Variants in ARID4A observed in about 807,000 individuals in gnomAD.
The protein encoded by ARID4A is AT-rich interaction domain 4A.
A neutral mutation model predicts 148.6 loss-of-function variants in ARID4A; 39 were observed. The observed-to-expected ratio is 0.26, with a 90% CI of 0.20 to 0.34. The LOEUF (loss-of-function observed/expected upper bound fraction) is 0.34, where lower values mean the gene tolerates loss of function less well. Among genes scored for constraint, ARID4A ranks in the 10% least tolerant of loss-of-function variants. ARID4A has a pLI of 1.00. For missense variants in ARID4A, 1,265 were observed against 1,449.1 expected (o/e 0.87, Z 2.06); for synonymous variants, 475 against 481.2 (o/e 0.99, Z 0.17).
chr14:58,364,448 G>A lies in ARID4A; in HGVS notation c.2359G>A (p.Glu787Lys), dbSNP rs148135007. The A allele has an allele frequency of 1.1e-5, 18 of 1,613,018 alleles. No individual in the cohort carries two copies. The highest frequency in any genetic ancestry group is 5.0e-5 in the Admixed American group (3 of 59,900). The stretch of plus-strand genomic sequence containing the variant: ...AACAGAAGAAGTTAAGAAAGAAGCC[G>A]AAAAATCTCCAAAAGGAAAGGGAAG... ...EKTEEVKKEA[E>K]KSPKGKGRRS... Residue 787 changes from glutamate (E) to lysine (K), a missense_variant, in exon 20 of 24, where the codon GAA (glutamate) becomes AAA (lysine). Transcript: ENST00000355431.
intron 8 of ARID4A, among the ~76,000 whole-genome samples, chr14:58,324,647 G>A (rs894844761): frequency 4.6e-5 from 7 of 152,132 alleles, no homozygotes; most frequent in East Asian, 3.9e-4. Context: ...AACCTTCAGC[G>A]AGTCTGCCTA....
At chr14:58,339,115 C>T (rs916455850) in intron 11 of ARID4A, among the ~76,000 whole-genome samples, 2 of 151,546 alleles carry the variant, frequency 1.3e-5, no homozygotes, top group African/African-American at 4.9e-5. Context: ...GGATTATAGG[C>T]ATGCACCACC....
At position 58,365,470 on chromosome 14, in the gene ARID4A, T is replaced by TC. The variant is rs758919497; in HGVS notation, c.3212-48_3212-47insC. The TC allele has an allele frequency of 9.5e-6, 7 of 735,098 alleles. No individual in the cohort carries two copies. The South Asian group carries it at 1.6e-4, about 17-fold the overall frequency. The allele number at this position is 735,098 out of a possible 1,614,324, so 45.5% of individuals were successfully genotyped here. ...TCTGTTGAATAATATACTTGCTCTT[T>TC]TTTTTTTTTTTTTTTTTTTCAACAT... is the stretch of plus-strand genomic sequence containing the variant. On this transcript the variant is annotated intron_variant, in intron 20 of 23. Coordinates refer to ENST00000355431, the MANE Select transcript of ARID4A (RefSeq NM_002892.4).
rs1283464374 is a variant in ARID4A, at chr14:58,372,926, AAG to A, written c.*939_*940del. 4 of 183,044 alleles carry A rather than the reference AAG, an allele frequency of 2.2e-5. No individual in the cohort carries two copies. Among genetic ancestry groups the A allele is most frequent in the Admixed American group, 1.9e-4 (3 of 16,010 alleles). 11.3% of individuals were successfully genotyped at this position (183,044 alleles called of 1,614,324 possible). On this transcript the variant is annotated 3_prime_UTR_variant, in exon 24 of 24. Transcript: ENST00000355431. ...TTAAAATATTAATAAAATTTAAAAA[AAG>A]AAAATTCTAGGTTAATTCACTCTTT...
chr14:58,323,730 T>TG (rs547551048), intron 8 of ARID4A, 113 bp downstream of exon 8: 29 of 916,080 alleles, frequency 3.2e-5, no homozygotes, highest in Non-Finnish European at 4.8e-5. Context: ...TGGACTTTAT[T>TG]GGAGATTTTT....
chr14:58,352,870 C>G (rs2034701474), intron 16 of ARID4A, among the ~76,000 whole-genome samples: 2 of 152,036 alleles, frequency 1.3e-5, no homozygotes, highest in African/African-American at 4.8e-5. Flanking sequence ...TTAGCTCTCC[C>G]TGTGTTAATC....
intron 18 of ARID4A, among the ~76,000 whole-genome samples, chr14:58,359,527 G>T (rs2035039607): frequency 6.6e-6 from 1 of 152,104 alleles, no homozygotes; most frequent in Admixed American, 6.5e-5. Context: ...AATATATAAT[G>T]ACATGGATCC....
At chr14:58,301,400 AG>A (rs1223554197) in intron 2 of ARID4A, among the ~76,000 whole-genome samples, 179 bp from the exon 3 acceptor site, 1 of 152,244 alleles carries the variant, frequency 6.6e-6, no homozygotes, top group Non-Finnish European at 1.5e-5. Flanking sequence ...TCAGGACATC[AG>A]TCTATAAAAT....
rs541638461 is a variant in ARID4A at position 58,368,095 on chromosome 14, TAAAAG to T, written c.3670+1068_3670+1072del. Among the ~76,000 whole-genome samples, 1,381 of 152,128 alleles carry T rather than the reference TAAAAG, an allele frequency of 9.1e-3. 12 individuals are homozygous for T. The highest frequency in any genetic ancestry group is 0.015 in the Non-Finnish European group (1,021 of 67,984). On this transcript the variant is annotated intron_variant, in intron 23 of 23. Coordinates refer to ENST00000355431, the MANE Select transcript of ARID4A (RefSeq NM_002892.4). Reference sequence around the variant, plus strand: ...AACTCAAGCAGAAAATAGATTAACTTAAAAGAGAATGAGGAAATCAGTAGGCCTGT... The same window carrying T: ...AACTCAAGCAGAAAATAGATTAACTTAGAATGAGGAAATCAGTAGGCCTGT...
At chr14:58,331,824 C>T (rs961224578) in intron 11 of ARID4A, among the ~76,000 whole-genome samples, 1 of 152,072 alleles carries the variant, frequency 6.6e-6, no homozygotes, top group Non-Finnish European at 1.5e-5. Flanking sequence ...TATATGTTTT[C>T]AGGCTAATTA....
chr14:58,303,116 A>G (rs949004693), intron 3 of ARID4A, among the ~76,000 whole-genome samples: 2 of 152,142 alleles, frequency 1.3e-5, no homozygotes, highest in Non-Finnish European at 2.9e-5. Context: ...TTTTAACATT[A>G]TAGAGGTATA....
At chr14:58,329,416 T>C (rs1260491504) in intron 9 of ARID4A, 112 bp from the exon 10 acceptor site, 1 of 709,680 alleles carries the variant, frequency 1.4e-6, no homozygotes, top group South Asian at 1.9e-5. Context: ...AAACATTTTA[T>C]AGACAATATT....
intron 3 of ARID4A, among the ~76,000 whole-genome samples, chr14:58,303,935 C>T (rs2031395020): frequency 6.6e-6 from 1 of 152,070 alleles, no homozygotes; most frequent in Non-Finnish European, 1.5e-5. Flanking sequence ...AATGTTGAAA[C>T]CCTGTCTCTA....
In ARID4A at chr14:58,365,831, A is replaced by G. The variant is rs553736114; in HGVS notation, c.3317-193A>G. Reference sequence around the variant, plus strand: ...TTAGGAAAGTATTCAATAGTTTATCATTTTTAACCATTTCCCCGTTGGTGA... The same window carrying G: ...TTAGGAAAGTATTCAATAGTTTATCGTTTTTAACCATTTCCCCGTTGGTGA... On this transcript the variant is annotated intron_variant, in intron 21 of 23. Coordinates refer to ENST00000355431, the MANE Select transcript of ARID4A (RefSeq NM_002892.4). Among the ~76,000 whole-genome samples the G allele has an allele frequency of 7.2e-4, 110 of 151,958 alleles. 1 individual carries two copies. The South Asian group carries it at 0.019, about 26-fold the overall frequency.
At chr14:58,310,094 A>G (rs1456659067) in intron 5 of ARID4A, among the ~76,000 whole-genome samples, 3 of 152,248 alleles carry the variant, frequency 2.0e-5, no homozygotes, top group African/African-American at 4.8e-5. Flanking sequence ...GTTTAATCCT[A>G]TCATAGGCTT....
chr14:58,347,914 A>G (rs371003524), intron 15 of ARID4A, 36 bp downstream of exon 15: 82 of 1,437,248 alleles, frequency 5.7e-5, no homozygotes, highest in Non-Finnish European at 6.7e-5. Flanking sequence ...TGGTTTAAGT[A>G]TTATTTAAAA....
intron 11 of ARID4A, among the ~76,000 whole-genome samples, chr14:58,342,398 A>G (rs1471160998): frequency 1.3e-5 from 2 of 152,200 alleles, no homozygotes; most frequent in Non-Finnish European, 2.9e-5. Context: ...TTGGTTACCC[A>G]CTAACTTTTA....
intron 23 of ARID4A, among the ~76,000 whole-genome samples, chr14:58,367,505 C>T (rs1594972232): frequency 2.0e-5 from 3 of 152,276 alleles, no homozygotes; most frequent in East Asian, 1.9e-4. Context: ...TGCCAGGTGG[C>T]GGAAGTACAG....
chr14:58,369,040 A>C (rs1244756452), intron 23 of ARID4A, among the ~76,000 whole-genome samples: 1 of 152,204 alleles, frequency 6.6e-6, no homozygotes, highest in Non-Finnish European at 1.5e-5. Context: ...TGATAGCAGG[A>C]ATTTAAAAAA....
Sources: gnomAD v4.1 joint callset for allele counts (sites outside exome capture counted in the v4.1 genomes callset) on GRCh38, gnomAD v4.1.1 for gene constraint, MANE v1.5 for transcripts, NCBI Gene and HGNC (gene_info 2026-07-23, HGNC 2026-07-21) for gene names.